Variants in ARHGAP6 observed in about 807,000 individuals in gnomAD.
ARHGAP6 encodes the protein rho GTPase-activating protein 6.
Under a neutral mutation model 55.7 loss-of-function variants are expected in ARHGAP6, and 16 were observed. That is an observed-to-expected ratio of 0.29 (90% CI 0.19 to 0.44). The LOEUF is 0.44. ARHGAP6 is among the 20% of genes least tolerant of loss of function. The probability of loss-of-function intolerance (pLI) is 1.00; values close to 1 mark genes in which losing one functional copy is unlikely to be tolerated. For missense variants in ARHGAP6, 698 were observed against 808.9 expected (o/e 0.86, Z 1.66); for synonymous variants, 382 against 360.9 (o/e 1.06, Z -0.66).
chrX:11,190,473 A>ATATATATATACACACACATATATATG (rs1555967766), intron 3 of ARHGAP6, among the ~76,000 whole-genome samples: 13 of 100,312 alleles, frequency 1.3e-4, no homozygotes, highest in African/African-American at 4.5e-4. Context: ...ATATATATAT[A>ATATATATATACACACACATATATATG]TATATATACA....
At chrX:11,429,509 A>AAAAAAT (rs2049921932) in intron 1 of ARHGAP6, among the ~76,000 whole-genome samples, 1 of 112,542 alleles carries the variant, frequency 8.9e-6, no homozygotes, top group South Asian at 3.7e-4. Context: ...CTGCAAAAAT[A>AAAAAAT]AAAAATAAAA....
At chrX:11,337,987 C>T (rs946092511) in intron 1 of ARHGAP6, among the ~76,000 whole-genome samples, 1 of 111,341 alleles carries the variant, frequency 9.0e-6, no homozygotes, top group African/African-American at 3.3e-5. Flanking sequence ...TCCTGGCTTT[C>T]TAGCAACCCA....
chrX:11,288,088 C>T, intron 1 of ARHGAP6, among the ~76,000 whole-genome samples: 1 of 112,541 alleles, frequency 8.9e-6, no homozygotes, highest in Middle Eastern at 4.6e-3. Flanking sequence ...CACGTCTAAT[C>T]CTTCTTAGCT....
At chrX:11,315,939 ACTT>A (rs1168536141) in intron 1 of ARHGAP6, among the ~76,000 whole-genome samples, 2 of 111,382 alleles carry the variant, frequency 1.8e-5, no homozygotes, top group African/African-American at 3.3e-5. Context: ...GAGTTCTTCA[ACTT>A]CTTCTCAATA....
chrX:11,412,818 T>C (rs1224123547), intron 1 of ARHGAP6, among the ~76,000 whole-genome samples: 1 of 112,558 alleles, frequency 8.9e-6, no homozygotes, highest in African/African-American at 3.2e-5. Context: ...ACTAAAGAAA[T>C]AACCCTTGGT....
intron 1 of ARHGAP6, among the ~76,000 whole-genome samples, chrX:11,453,656 C>A (rs1397551369): frequency 9.0e-6 from 1 of 111,224 alleles, no homozygotes; most frequent in Non-Finnish European, 1.9e-5. Flanking sequence ...AACTAAGCCA[C>A]ACATGAGTTA....
chrX:11,166,915 TCCTC>T (rs1305681896), intron 9 of ARHGAP6, among the ~76,000 whole-genome samples: 2 of 111,830 alleles, frequency 1.8e-5, no homozygotes, highest in African/African-American at 6.5e-5. Flanking sequence ...GTCTCCCTCT[TCCTC>T]CCACTCCACT....
In ARHGAP6 at chrX:11,138,850, G is replaced by C. The variant is rs1459839812; in HGVS notation, c.*13C>G. 1 of 1,169,621 alleles carries C rather than the reference G, an allele frequency of 8.5e-7. No individual in the cohort carries two copies. Among genetic ancestry groups the C allele is most frequent in the African/African-American group, 1.8e-5 (1 of 56,362 alleles). On this transcript the variant is annotated 3_prime_UTR_variant, in exon 13 of 13. Transcript: ENST00000337414. ...GGGGGCTCGGGGCAGGGGGGGCTCG[G>C]CTGGGTGCGGGCTCAGACCAGCGTC...
chrX:11,385,878 G>A (rs1363490456), intron 1 of ARHGAP6, among the ~76,000 whole-genome samples: 1 of 112,273 alleles, frequency 8.9e-6, no homozygotes, highest in African/African-American at 3.2e-5. Context: ...CTTAAAAAAG[G>A]TGTTTTTAAA....
Position 11,262,127 on chromosome X carries a change from G to A in ARHGAP6, c.589-7420C>T, listed in dbSNP as rs778129197. 4.6e-4 allele frequency among the ~76,000 whole-genome samples: 51 copies of A among 111,139 alleles called. No homozygotes were observed. The South Asian group carries it at 9.0e-3, about 20-fold the overall frequency. On this transcript the variant is annotated intron_variant, in intron 1 of 12. Transcript: ENST00000337414. ...GTGTATTTTACATGTATTTTTCTACGTATTATACACATAAACAGAATCATA... is the reference window on the plus strand; with the variant it reads ...GTGTATTTTACATGTATTTTTCTACATATTATACACATAAACAGAATCATA...
At chrX:11,618,415 T>C (rs1242982334) in intron 1 of ARHGAP6, among the ~76,000 whole-genome samples, 1 of 112,456 alleles carries the variant, frequency 8.9e-6, no homozygotes, top group African/African-American at 3.2e-5. Flanking sequence ...TGAAGGATTC[T>C]ACCAAAATAT....
intron 1 of ARHGAP6, among the ~76,000 whole-genome samples, chrX:11,639,957 T>C (rs754508358): frequency 1.8e-5 from 2 of 111,450 alleles, no homozygotes; most frequent in South Asian, 3.7e-4. Context: ...AAATTTTAAG[T>C]GATCTTTAGT....
intron 1 of ARHGAP6, among the ~76,000 whole-genome samples, chrX:11,263,689 G>A (rs894644956): frequency 8.1e-5 from 9 of 111,257 alleles, no homozygotes; most frequent in African/African-American, 2.9e-4. Flanking sequence ...AGCAGCCCAG[G>A]CAGAGACTGG....
intron 1 of ARHGAP6, among the ~76,000 whole-genome samples, chrX:11,398,698 T>C (rs754278444): frequency 8.9e-6 from 1 of 111,939 alleles, no homozygotes; most frequent in Non-Finnish European, 1.9e-5. Flanking sequence ...CCTTTATATA[T>C]AGTATAACAA....
intron 1 of ARHGAP6, among the ~76,000 whole-genome samples, chrX:11,574,383 A>G (rs2051570258): frequency 9.2e-6 from 1 of 109,185 alleles, no homozygotes; most frequent in African/African-American, 3.3e-5. Context: ...CACCATGATC[A>G]AGTGGGCTTC....
At chrX:11,407,805 T>C (rs1378966602) in intron 1 of ARHGAP6, among the ~76,000 whole-genome samples, 2 of 111,909 alleles carry the variant, frequency 1.8e-5, no homozygotes, top group East Asian at 2.8e-4. Context: ...CATGTGTTCA[T>C]TGGCCATTTG....
In ARHGAP6 at chrX:11,214,639, C is replaced by G. The variant is rs2046852865; in HGVS notation, c.749-17643G>C. 2.6e-5 allele frequency among the ~76,000 whole-genome samples: 3 copies of G among 113,465 alleles called. 1 individual carries two copies. Among genetic ancestry groups the G allele is most frequent in the Admixed American group, 9.2e-5 (1 of 10,873 alleles). ...AGAGACCTCAGAAAGCCACCCTCTC[C>G]CTGAGTCCACAGCTACCATGGGTGG... is the stretch of plus-strand genomic sequence containing the variant. On this transcript the variant is annotated intron_variant, in intron 2 of 12. Transcript: ENST00000337414.
At chrX:11,241,531 CGTGTGTGTGT>C (rs55815640) in intron 2 of ARHGAP6, among the ~76,000 whole-genome samples, 264 of 91,719 alleles carry the variant, frequency 2.9e-3, no homozygotes, top group Admixed American at 3.8e-3. Flanking sequence ...ATGCTGGATA[CGTGTGTGTGT>C]GTGTGTGTGT....
At chrX:11,222,927 C>G (rs2046992544) in intron 2 of ARHGAP6, among the ~76,000 whole-genome samples, 1 of 111,604 alleles carries the variant, frequency 9.0e-6, no homozygotes, top group South Asian at 3.7e-4. Flanking sequence ...CATCATCTGT[C>G]AATTAAGTGA....
Sources: gnomAD v4.1 joint callset for allele counts (sites outside exome capture counted in the v4.1 genomes callset) on GRCh38, gnomAD v4.1.1 for gene constraint, MANE v1.5 for transcripts, NCBI Gene and HGNC (gene_info 2026-07-23, HGNC 2026-07-21) for gene names.